LRMDA: variants seen among roughly 807,000 people sequenced by gnomAD.
LRMDA encodes leucine-rich melanocyte differentiation-associated protein.
Under a neutral mutation model 29.8 loss-of-function variants are expected in LRMDA, and 18 were observed. The ratio of observed to expected loss-of-function variants is 0.60; its 90% CI spans 0.42 to 0.90. LRMDA has a LOEUF of 0.90. Among genes scored for constraint, LRMDA ranks in the 40% least tolerant of loss-of-function variants. LRMDA has a pLI of 0.00. For synonymous variants in LRMDA, 125 were observed against 109.4 expected (o/e 1.14, Z -0.89); for missense variants, 273 against 273.9 (o/e 1.00, Z 0.02).
chr10:75,518,632 T>A (rs1199283823), intron 2 of LRMDA, among the ~76,000 whole-genome samples: 1 of 152,212 alleles, frequency 6.6e-6, no homozygotes, highest in Non-Finnish European at 1.5e-5. Flanking sequence ...TCAATTTTGT[T>A]GATCTTTTCA....
chr10:76,553,740 A>T (rs182085433), intron 6 of LRMDA, among the ~76,000 whole-genome samples: 7 of 152,234 alleles, frequency 4.6e-5, no homozygotes, highest in Non-Finnish European at 7.4e-5. Flanking sequence ...GAGCTCTGGG[A>T]GGAGACTCAC....
chr10:75,470,570 CT>C, intron 2 of LRMDA, among the ~76,000 whole-genome samples: 1 of 152,316 alleles, frequency 6.6e-6, no homozygotes, highest in East Asian at 1.9e-4. Flanking sequence ...GAAGAGGGGT[CT>C]AGGGTATCCT....
chr10:76,396,701 T>C (rs1231008120), intron 6 of LRMDA: 1 of 152,162 alleles, frequency 6.6e-6, no homozygotes, highest in African/African-American at 2.4e-5. Context: ...TAACTAGATA[T>C]GTGTTGTTTG....
At chr10:76,040,974 T>A (rs1848330654) in intron 3 of LRMDA, among the ~76,000 whole-genome samples, 2 of 152,182 alleles carry the variant, frequency 1.3e-5, no homozygotes, top group Admixed American at 1.3e-4. Flanking sequence ...GGACTGGAGT[T>A]CCCATAGCCA....
chr10:76,184,800 A>C (rs1308593298), intron 5 of LRMDA, among the ~76,000 whole-genome samples: 1 of 152,330 alleles, frequency 6.6e-6, no homozygotes, highest in East Asian at 1.9e-4. Context: ...GACCCAAACA[A>C]GAAAGACTTC....
At chr10:76,480,650 G>A (rs977199543) in intron 6 of LRMDA, among the ~76,000 whole-genome samples, 5 of 151,916 alleles carry the variant, frequency 3.3e-5, no homozygotes, top group Admixed American at 6.6e-5. Context: ...GTTTTATCTA[G>A]ATGAAATAAA....
intron 6 of LRMDA, among the ~76,000 whole-genome samples, chr10:76,419,033 T>G (rs1842047079): frequency 6.6e-6 from 1 of 152,104 alleles, no homozygotes; most frequent in African/African-American, 2.4e-5. Context: ...ACGATCAGCA[T>G]CTCACACCAA....
At chr10:75,648,028 A>C (rs1333179958) in intron 2 of LRMDA, among the ~76,000 whole-genome samples, 2 of 152,200 alleles carry the variant, frequency 1.3e-5, no homozygotes. Flanking sequence ...AGGGAGCACA[A>C]CTTCCCTTTG....
At chr10:76,396,008 T>C (rs1449904327) in intron 6 of LRMDA, among the ~76,000 whole-genome samples, 2 of 152,196 alleles carry the variant, frequency 1.3e-5, no homozygotes, top group Non-Finnish European at 2.9e-5. Flanking sequence ...AAAGAGAAGA[T>C]TGGAATCCAA....
At chr10:75,663,221 G>C (rs1289407525) in intron 2 of LRMDA, among the ~76,000 whole-genome samples, 1 of 152,148 alleles carries the variant, frequency 6.6e-6, no homozygotes, top group African/African-American at 2.4e-5. Flanking sequence ...CCCTATGTCT[G>C]CCAGCAGCTT....
At chr10:76,313,835 A>G (rs952595580) in intron 5 of LRMDA, among the ~76,000 whole-genome samples, 11 of 152,038 alleles carry the variant, frequency 7.2e-5, no homozygotes, top group African/African-American at 2.7e-4. Flanking sequence ...GATACTTTCA[A>G]TGATTTTGGC....
At chr10:76,382,198 C>T (rs368704940) in intron 6 of LRMDA, among the ~76,000 whole-genome samples, 3 of 152,178 alleles carry the variant, frequency 2.0e-5, no homozygotes, top group Non-Finnish European at 2.9e-5. Flanking sequence ...CACATTCTTA[C>T]GCACATGTAC....
chr10:75,523,581 G>T (rs1261590721), intron 2 of LRMDA, among the ~76,000 whole-genome samples: 1 of 152,152 alleles, frequency 6.6e-6, no homozygotes, highest in African/African-American at 2.4e-5. Flanking sequence ...CCTGTGGTGG[G>T]TAATAACAGA....
chr10:75,875,789 G>A (rs891860239), intron 2 of LRMDA, among the ~76,000 whole-genome samples: 5 of 152,246 alleles, frequency 3.3e-5, no homozygotes, highest in Admixed American at 2.0e-4. Context: ...ATTGGACCAT[G>A]GTGGTAAGAT....
At chr10:76,358,873 A>G (rs761208019) in intron 6 of LRMDA, among the ~76,000 whole-genome samples, 5 of 152,308 alleles carry the variant, frequency 3.3e-5, no homozygotes, top group Middle Eastern at 3.4e-3. Flanking sequence ...AATATCCATA[A>G]TTATATTTTC....
chr10:76,021,136 C>T (rs958765251), intron 2 of LRMDA, among the ~76,000 whole-genome samples: 14 of 152,284 alleles, frequency 9.2e-5, no homozygotes, highest in African/African-American at 3.4e-4. Context: ...GGACAATAGA[C>T]CAAATTCATG....
At chr10:75,603,965 G>T (rs1807296657) in intron 2 of LRMDA, among the ~76,000 whole-genome samples, 1 of 152,172 alleles carries the variant, frequency 6.6e-6, no homozygotes, top group Non-Finnish European at 1.5e-5. Context: ...TTTCTAAGCA[G>T]TGTGGGATGA....
chr10:75,980,091 A>G (rs1847139889), intron 2 of LRMDA, among the ~76,000 whole-genome samples: 1 of 152,210 alleles, frequency 6.6e-6, no homozygotes, highest in Non-Finnish European at 1.5e-5. Flanking sequence ...TCACACTGGC[A>G]TGTCCTCTCT....
intron 2 of LRMDA, among the ~76,000 whole-genome samples, chr10:75,582,552 A>G (rs971846308): frequency 6.6e-6 from 1 of 152,200 alleles, no homozygotes; most frequent in African/African-American, 2.4e-5. Context: ...ATGGCCCACG[A>G]AACTATTCTG....
Sources: gnomAD v4.1 joint callset for allele counts (sites outside exome capture counted in the v4.1 genomes callset) on GRCh38, gnomAD v4.1.1 for gene constraint, MANE v1.5 for transcripts, NCBI Gene and HGNC (gene_info 2026-07-23, HGNC 2026-07-21) for gene names.